The following DOCK4 variants were observed in gnomAD, a reference collection of about 807,000 sequenced individuals.
The protein encoded by DOCK4 is dedicator of cytokinesis 4, also known as dedicator of cytokinesis protein 4.
DOCK4 carries 97 observed loss-of-function variants against 268.1 expected under a neutral mutation model. The observed-to-expected ratio is 0.36, with a 90% CI of 0.31 to 0.43. DOCK4 has a LOEUF of 0.43. DOCK4 is among the 20% of genes least tolerant of loss of function. The pLI is 1.00. For synonymous variants in DOCK4, 954 were observed against 887.2 expected (o/e 1.08, Z -1.34); for missense variants, 2,145 against 2,455.7 (o/e 0.87, Z 2.67).
At chr7:111,930,411 A>T (rs1794103343) in intron 12 of DOCK4, among the ~76,000 whole-genome samples, 1 of 152,184 alleles carries the variant, frequency 6.6e-6, no homozygotes, top group Non-Finnish European at 1.5e-5. Context: ...CTAGGAGGAC[A>T]TCAATGAAGC....
intron 16 of DOCK4, among the ~76,000 whole-genome samples, chr7:111,889,619 A>T (rs1211969051): frequency 1.3e-5 from 2 of 152,196 alleles, no homozygotes; most frequent in Non-Finnish European, 2.9e-5. Context: ...ACTATGGACC[A>T]AGTTAGGGAC....
At chr7:111,865,944 A>C (rs895060037) in intron 22 of DOCK4, among the ~76,000 whole-genome samples, 2 of 152,246 alleles carry the variant, frequency 1.3e-5, no homozygotes, top group Non-Finnish European at 2.9e-5. Context: ...TGCCAATAGC[A>C]TTAAAAGATC....
intron 1 of DOCK4, among the ~76,000 whole-genome samples, chr7:112,142,125 T>C (rs1163911823): frequency 6.6e-6 from 1 of 152,204 alleles, no homozygotes; most frequent in African/African-American, 2.4e-5. Flanking sequence ...CCTCACAATG[T>C]CCCTGTGAGG....
chr7:111,912,836 T>G (rs1257560396), intron 13 of DOCK4, among the ~76,000 whole-genome samples: 1 of 152,010 alleles, frequency 6.6e-6, no homozygotes, highest in Non-Finnish European at 1.5e-5. Flanking sequence ...GGTTCATTAC[T>G]AAATAACAAT....
At chr7:111,972,147 AATTTATT>A (rs1797763101) in intron 8 of DOCK4, among the ~76,000 whole-genome samples, 1 of 152,200 alleles carries the variant, frequency 6.6e-6, no homozygotes, top group African/African-American at 2.4e-5. Context: ...AATTCATAAC[AATTTATT>A]ATTAAGACTT....
chr7:111,918,889 T>C (rs1448777544), intron 12 of DOCK4, among the ~76,000 whole-genome samples: 2 of 152,146 alleles, frequency 1.3e-5, no homozygotes, highest in African/African-American at 4.8e-5. Flanking sequence ...TTTTTGCAAG[T>C]GAAGATCATT....
At chr7:111,768,854 G>T (rs1344126261) in intron 37 of DOCK4, among the ~76,000 whole-genome samples, 1 of 152,188 alleles carries the variant, frequency 6.6e-6, no homozygotes, top group Non-Finnish European at 1.5e-5. Flanking sequence ...TGCGTGCTAT[G>T]GTCTGCATGT....
intron 1 of DOCK4, among the ~76,000 whole-genome samples, chr7:112,079,550 A>G (rs1808394046): frequency 6.6e-6 from 1 of 152,172 alleles, no homozygotes. Context: ...ACAAGCCACA[A>G]CAAGCTGAGA....
chr7:111,944,766 C>G (rs1795483405), intron 10 of DOCK4, 45 bp downstream of exon 10: 1 of 1,550,674 alleles, frequency 6.4e-7, no homozygotes, highest in Non-Finnish European at 8.9e-7. Flanking sequence ...GGCATTTCTC[C>G]TCTCTGTTCC....
At position 112,075,358 on chromosome 7, in the gene DOCK4, T is replaced by C. The variant is rs1490552331; in HGVS notation, c.38-71227A>G. ...TTTTCTGCAGGCAACAGAGAGCTATTGGGAGCCTCACATGCAATTCCCTGC... is the reference window on the plus strand; with the variant it reads ...TTTTCTGCAGGCAACAGAGAGCTATCGGGAGCCTCACATGCAATTCCCTGC... On this transcript the variant is annotated intron_variant, in intron 1 of 52. Transcript: ENST00000428084. Among the ~76,000 whole-genome samples, 3 of 152,304 alleles carry C rather than the reference T, an allele frequency of 2.0e-5. No homozygotes were observed. The East Asian group carries it at 5.8e-4, about 29-fold the overall frequency.
chr7:112,044,525 T>C (rs148213008), intron 1 of DOCK4, among the ~76,000 whole-genome samples: 1,818 of 152,262 alleles, frequency 0.012, 18 homozygotes, highest in African/African-American at 0.017. Flanking sequence ...CCAAAATTCA[T>C]CTCTTACTCT....
chr7:111,918,105 G>T (rs894672389), intron 12 of DOCK4, among the ~76,000 whole-genome samples: 5 of 152,126 alleles, frequency 3.3e-5, no homozygotes, highest in Non-Finnish European at 7.4e-5. Flanking sequence ...AAAGAAAAAA[G>T]AAAAGGCTTT....
chr7:112,146,767 A>T (rs1265109286), intron 1 of DOCK4, among the ~76,000 whole-genome samples: 1 of 152,146 alleles, frequency 6.6e-6, no homozygotes, highest in Non-Finnish European at 1.5e-5. Context: ...AACATTTTAC[A>T]GAGATCTAGG....
intron 1 of DOCK4, among the ~76,000 whole-genome samples, chr7:112,011,010 A>T (rs1281688931): frequency 6.6e-6 from 1 of 152,088 alleles, no homozygotes; most frequent in Non-Finnish European, 1.5e-5. Flanking sequence ...TGTGGCTGGG[A>T]GTGCTGGGGT....
intron 37 of DOCK4, among the ~76,000 whole-genome samples, chr7:111,769,093 T>C (rs1271051101): frequency 6.6e-6 from 1 of 152,186 alleles, no homozygotes; most frequent in Non-Finnish European, 1.5e-5. Context: ...ATCTTGAACT[T>C]CTCAGCCTTC....
At chr7:112,177,732 T>TA (rs1366555768) in intron 1 of DOCK4, among the ~76,000 whole-genome samples, 1 of 152,080 alleles carries the variant, frequency 6.6e-6, no homozygotes, top group African/African-American at 2.4e-5. Flanking sequence ...ACTACTGATT[T>TA]TTTTTTAACA....
chr7:111,803,313 C>A (rs1800438731), intron 30 of DOCK4, among the ~76,000 whole-genome samples: 1 of 152,198 alleles, frequency 6.6e-6, no homozygotes, highest in Non-Finnish European at 1.5e-5. Context: ...ACAGAACCAG[C>A]AAAGCAATTT....
At position 111,741,677 on chromosome 7, in the gene DOCK4, AGGAAATATCTCATTACAG is replaced by A. The variant is rs1292369885; in HGVS notation, c.4798-34_4798-17del. The A allele has an allele frequency of 2.5e-6, 4 of 1,610,930 alleles. No individual in the cohort carries two copies. On this transcript the variant is annotated splice_polypyrimidine_tract_variant and intron_variant, in intron 45 of 52. Transcript: ENST00000428084. ...CAGAGAACTCCTAAAGATGTAGTAAAGGAAATATCTCATTACAGTAATGATTTGGGCAAAATAACTTAT... is the reference window on the plus strand; with the variant it reads ...CAGAGAACTCCTAAAGATGTAGTAAATAATGATTTGGGCAAAATAACTTAT...
chr7:111,827,735 G>A (rs1477523456), intron 26 of DOCK4, among the ~76,000 whole-genome samples: 1 of 152,166 alleles, frequency 6.6e-6, no homozygotes. Flanking sequence ...GAAGTGGCTG[G>A]AGTGACTGAA....
Sources: allele counts gnomAD v4.1 joint callset (sites outside exome capture counted in the v4.1 genomes callset), GRCh38; gene constraint gnomAD v4.1.1; transcripts MANE v1.5; gene names NCBI Gene and HGNC (gene_info 2026-07-23, HGNC 2026-07-21).